Variants in ADAMTS2 observed in about 807,000 individuals in gnomAD.
ADAMTS2 encodes the protein A disintegrin and metalloproteinase with thrombospondin motifs 2.
A neutral mutation model predicts 123.0 loss-of-function variants in ADAMTS2; 50 were observed. The ratio of observed to expected loss-of-function variants is 0.41; its 90% CI spans 0.32 to 0.51. The LOEUF is 0.51. ADAMTS2 is among the 20% of genes least tolerant of loss of function. ADAMTS2 has a pLI of 0.35. For synonymous variants in ADAMTS2, 678 were observed against 695.4 expected, an observed-to-expected ratio of 0.98 and a Z score of 0.39; for missense variants, 1,494 against 1,705.2, an observed-to-expected ratio of 0.88 and a Z score of 2.18.
chr5:179,163,328 C>T (rs547103711), intron 5 of ADAMTS2, among the ~76,000 whole-genome samples: 18 of 152,236 alleles, frequency 1.2e-4, no homozygotes, highest in South Asian at 8.3e-4. Context: ...GAGTGGGGGT[C>T]GGTGATAAGG....
chr5:179,156,359 A>AT (rs397967558), intron 6 of ADAMTS2, among the ~76,000 whole-genome samples: 25,247 of 122,314 alleles, frequency 0.21, 3,551 homozygotes, highest in African/African-American at 0.38. Context: ...TCAGCTTTCG[A>AT]TTTTTTTTTT....
intron 6 of ADAMTS2, among the ~76,000 whole-genome samples, chr5:179,156,397 C>T (rs10068489): frequency 0.03 from 4,418 of 146,280 alleles, 237 homozygotes; most frequent in African/African-American, 0.11. Flanking sequence ...TCTCACTCTG[C>T]CGTCCAGGCT....
rs544304807 is a variant in ADAMTS2, at chr5:179,252,476, T to TA, written c.688+20434_688+20435insT. On this transcript the variant is annotated intron_variant, in intron 3 of 21. Transcript: ENST00000251582. The stretch of plus-strand genomic sequence containing the variant: ...ATCCACGTTTTGATATTTAGTGCTT[T>TA]TATTATCATTGAGTTGTATTTTTGA... Among the ~76,000 whole-genome samples, 523 of 152,344 alleles carry TA rather than the reference T, an allele frequency of 3.4e-3. 7 individuals carry two copies. Among genetic ancestry groups the TA allele is most frequent in the African/African-American group, 0.012 (497 of 41,580 alleles).
At chr5:179,300,184 C>G (rs967422856) in intron 2 of ADAMTS2, among the ~76,000 whole-genome samples, 11 of 151,722 alleles carry the variant, frequency 7.3e-5, no homozygotes, top group African/African-American at 2.4e-4. Context: ...TAATTAGCAA[C>G]CTGACTTCCA....
intron 3 of ADAMTS2, among the ~76,000 whole-genome samples, chr5:179,217,404 T>A (rs1287101344): frequency 1.3e-5 from 2 of 152,048 alleles, no homozygotes; most frequent in Non-Finnish European, 2.9e-5. Context: ...CAGGAGAAAA[T>A]CAGAAGGAAG....
chr5:179,143,984 C>T (rs1241028104), intron 10 of ADAMTS2, among the ~76,000 whole-genome samples: 1 of 152,132 alleles, frequency 6.6e-6, no homozygotes, highest in African/African-American at 2.4e-5. Flanking sequence ...GCAGTTAAAA[C>T]AGTATATTAT....
intron 2 of ADAMTS2, among the ~76,000 whole-genome samples, chr5:179,274,195 C>T (rs1766628723): frequency 6.6e-6 from 1 of 152,174 alleles, no homozygotes; most frequent in South Asian, 2.1e-4. Context: ...CATGACAACT[C>T]CAGCTCCTAC....
chr5:179,181,960 G>A lies in ADAMTS2; in HGVS notation c.892-805C>T, dbSNP rs982932684. ...CTCGAGGCTGTCAGGGGCTTCCTTCGCACTGAGCCCCCACCCTCCAGCTTC... is the reference window on the plus strand; with the variant it reads ...CTCGAGGCTGTCAGGGGCTTCCTTCACACTGAGCCCCCACCCTCCAGCTTC... On this transcript the variant is annotated intron_variant, in intron 4 of 21. Coordinates refer to ENST00000251582, the MANE Select transcript of ADAMTS2 (RefSeq NM_014244.5). This position sits in a 1 kb window ranked among gnomAD's most constrained non-coding sequence, Gnocchi z 4.1. Among the ~76,000 whole-genome samples the A allele has an allele frequency of 2.6e-5, 4 of 152,094 alleles. No homozygotes were observed. The highest frequency in any genetic ancestry group is 6.5e-5 in the Admixed American group (1 of 15,284).
At chr5:179,172,617 C>T (rs1422138740) in intron 5 of ADAMTS2, among the ~76,000 whole-genome samples, 1 of 152,204 alleles carries the variant, frequency 6.6e-6, no homozygotes, top group Non-Finnish European at 1.5e-5. Flanking sequence ...CCACAGGAAG[C>T]GTGAGCTAGC....
chr5:179,319,899 C>T (rs1349289212), intron 2 of ADAMTS2, among the ~76,000 whole-genome samples: 1 of 152,192 alleles, frequency 6.6e-6, no homozygotes, highest in African/African-American at 2.4e-5. Context: ...ACATCTCCGG[C>T]CTGGCCCACA....
chr5:179,204,687 C>T (rs1268493985), intron 4 of ADAMTS2, among the ~76,000 whole-genome samples: 2 of 152,252 alleles, frequency 1.3e-5, no homozygotes, highest in African/African-American at 2.4e-5. Context: ...GGGCATTCAT[C>T]GTCAGGGCAA....
chr5:179,336,305 A>G (rs1757610313), intron 2 of ADAMTS2, among the ~76,000 whole-genome samples: 2 of 152,258 alleles, frequency 1.3e-5, no homozygotes, highest in African/African-American at 2.4e-5. Flanking sequence ...AGAAAGGCGC[A>G]TGTAGCTTTG....
intron 12 of ADAMTS2, among the ~76,000 whole-genome samples, chr5:179,137,438 T>C (rs940325672): frequency 6.6e-6 from 1 of 152,238 alleles, no homozygotes; most frequent in Non-Finnish European, 1.5e-5. Context: ...AGCCCTGGCC[T>C]CAGCCCTGAG....
chr5:179,134,712 C>T (rs1310936162), intron 13 of ADAMTS2, among the ~76,000 whole-genome samples: 3 of 151,524 alleles, frequency 2.0e-5, no homozygotes, highest in African/African-American at 4.8e-5. Flanking sequence ...GAGCAGCCCT[C>T]GAGCACCCTC....
intron 2 of ADAMTS2, 83 bp from the exon 3 acceptor site, chr5:179,273,147 G>A (rs1229626512): frequency 6.3e-7 from 1 of 1,595,794 alleles, no homozygotes; most frequent in East Asian, 2.2e-5. Context: ...CCCTCAGGGA[G>A]TACCTCCCAC....
At position 179,248,284 on chromosome 5, in the gene ADAMTS2, G is replaced by A. The variant is rs140843949; in HGVS notation, c.688+24627C>T. 2.6e-5 allele frequency among the ~76,000 whole-genome samples: 4 copies of A among 152,138 alleles called. No individual in the cohort carries two copies. The East Asian group carries it at 7.7e-4, about 29-fold the overall frequency. ...TCAAAACAGTACACTAAAAAACAAT[G>A]TGTTAAACACAAAAGAAGGAAATAT... On this transcript the variant is annotated intron_variant, in intron 3 of 21. Transcript: ENST00000251582.
chr5:179,224,278 G>A (rs577316472), intron 3 of ADAMTS2, among the ~76,000 whole-genome samples: 19 of 152,224 alleles, frequency 1.2e-4, no homozygotes, highest in Admixed American at 7.2e-4. Context: ...CATGGCTCCC[G>A]GCACACCCTG....
intron 21 of ADAMTS2, among the ~76,000 whole-genome samples, chr5:179,119,812 C>T (rs1331658948): frequency 6.6e-6 from 1 of 152,218 alleles, no homozygotes; most frequent in East Asian, 1.9e-4. Flanking sequence ...CATTCCCACT[C>T]CACAGGCTCT....
chr5:179,269,438 T>A (rs996298880), intron 3 of ADAMTS2, among the ~76,000 whole-genome samples: 2 of 152,088 alleles, frequency 1.3e-5, no homozygotes, highest in East Asian at 1.9e-4. Flanking sequence ...GAAAGGCACG[T>A]CTCACATGGC....
Sources: gnomAD v4.1 joint callset for allele counts (sites outside exome capture counted in the v4.1 genomes callset) on GRCh38, gnomAD v4.1.1 for gene constraint, Gnocchi (gnomAD v3.1) non-coding constraint, MANE v1.5 for transcripts, NCBI Gene and HGNC (gene_info 2026-07-23, HGNC 2026-07-21) for gene names.